Variants in KCND2 observed in about 807,000 individuals in gnomAD.
KCND2 encodes A-type voltage-gated potassium channel KCND2.
Under a neutral mutation model 54.4 loss-of-function variants are expected in KCND2, and 16 were observed. The ratio of observed to expected loss-of-function variants is 0.29; its 90% CI spans 0.20 to 0.45. The LOEUF is 0.45. KCND2 is among the 20% of genes least tolerant of loss of function. The pLI is 1.00. For missense variants in KCND2, 486 were observed against 824.2 expected (o/e 0.59, Z 5.02); for synonymous variants, 317 against 310.7 (o/e 1.02, Z -0.21).
At chr7:120,601,325 A>C (rs922649054) in intron 1 of KCND2, among the ~76,000 whole-genome samples, 14 of 152,178 alleles carry the variant, frequency 9.2e-5, no homozygotes, top group African/African-American at 3.4e-4. Context: ...ACTCTTAAAA[A>C]ACTGGGAAGG....
At chr7:120,725,277 T>G (rs1325038061) in intron 1 of KCND2, among the ~76,000 whole-genome samples, 1 of 152,208 alleles carries the variant, frequency 6.6e-6, no homozygotes. Context: ...CATGTAATTT[T>G]CACACTAAGG....
chr7:120,330,489 G>A (rs1441737832), intron 1 of KCND2, among the ~76,000 whole-genome samples: 1 of 142,978 alleles, frequency 7.0e-6, no homozygotes, highest in African/African-American at 2.6e-5. Flanking sequence ...GCTGAGGTAG[G>A]AGAATCGCTT....
chr7:120,503,572 C>A (rs1447154272), intron 1 of KCND2, among the ~76,000 whole-genome samples: 3 of 151,980 alleles, frequency 2.0e-5, no homozygotes, highest in African/African-American at 4.8e-5. Flanking sequence ...TCCACCACTT[C>A]TCTTTCCTTG....
chr7:120,564,056 C>G (rs1792267727), intron 1 of KCND2, among the ~76,000 whole-genome samples: 1 of 152,050 alleles, frequency 6.6e-6, no homozygotes. Flanking sequence ...AAACTCATTT[C>G]TATATATAAT....
At chr7:120,476,624 ATGTGCC>A (rs1802537005) in intron 1 of KCND2, among the ~76,000 whole-genome samples, 1 of 150,968 alleles carries the variant, frequency 6.6e-6, no homozygotes, top group South Asian at 2.1e-4. Context: ...TATATGATGT[ATGTGCC>A]TGTGTGTGGG....
At chr7:120,590,840 T>G (rs941130721) in intron 1 of KCND2, among the ~76,000 whole-genome samples, 1 of 152,222 alleles carries the variant, frequency 6.6e-6, no homozygotes, top group African/African-American at 2.4e-5. Flanking sequence ...GTATTCATTA[T>G]GTAGATCCTT....
intron 1 of KCND2, among the ~76,000 whole-genome samples, chr7:120,332,655 A>G (rs1563012219): frequency 6.6e-6 from 1 of 152,088 alleles, no homozygotes; most frequent in African/African-American, 2.4e-5. Flanking sequence ...GGAGGCTTTC[A>G]TAAAACTTTG....
intron 1 of KCND2, among the ~76,000 whole-genome samples, chr7:120,283,435 T>TA (rs1300857844): frequency 1.3e-5 from 2 of 152,172 alleles, no homozygotes; most frequent in African/African-American, 4.8e-5. Context: ...ATGGTCAAAT[T>TA]AAAATTATTT....
rs189808693 is a variant in KCND2 at position 120,646,441 on chromosome 7, T to C, written c.1116-86462T>C. On this transcript the variant is annotated intron_variant, in intron 1 of 5. Transcript: ENST00000331113. Reference sequence around the variant, plus strand: ...CTGTTAGTGATTTTATTGATTATCATTTATTTAAAATTAGATATTTGTCTT... The same window carrying C: ...CTGTTAGTGATTTTATTGATTATCACTTATTTAAAATTAGATATTTGTCTT... Among the ~76,000 whole-genome samples, 19 of 152,354 alleles carry C rather than the reference T, an allele frequency of 1.2e-4. No individual in the cohort carries two copies. In the East Asian group the frequency reaches 2.3e-3, roughly 19 times the overall value.
chr7:120,640,672 T>TAAAAAAAAAAAAAA, intron 1 of KCND2, among the ~76,000 whole-genome samples: 1 of 152,208 alleles, frequency 6.6e-6, no homozygotes, highest in African/African-American at 2.4e-5. Flanking sequence ...TTTCTTACTT[T>TAAAAAAAAAAAAAA]AAAAGGAATA....
intron 1 of KCND2, among the ~76,000 whole-genome samples, chr7:120,607,464 A>T (rs1346119412): frequency 2.0e-5 from 3 of 152,150 alleles, no homozygotes; most frequent in Non-Finnish European, 4.4e-5. Flanking sequence ...GGTACTACCC[A>T]CTATCTCATA....
intron 1 of KCND2, among the ~76,000 whole-genome samples, chr7:120,585,409 A>C (rs1032204148): frequency 6.6e-6 from 1 of 152,182 alleles, no homozygotes; most frequent in South Asian, 2.1e-4. Flanking sequence ...TTCTTTAAGC[A>C]GATGAGAAAA....
chr7:120,558,365 C>G (rs1433116503), intron 1 of KCND2, among the ~76,000 whole-genome samples: 1 of 152,158 alleles, frequency 6.6e-6, no homozygotes, highest in Non-Finnish European at 1.5e-5. Context: ...ACTACCATCA[C>G]ACCCTTAAAT....
intron 1 of KCND2, among the ~76,000 whole-genome samples, chr7:120,637,265 G>T (rs1793316853): frequency 6.6e-6 from 1 of 151,970 alleles, no homozygotes. Flanking sequence ...ATAAGAAACT[G>T]GTGAGAACAA....
intron 1 of KCND2, among the ~76,000 whole-genome samples, chr7:120,324,113 G>A (rs1489337323): frequency 1.3e-5 from 2 of 151,390 alleles, no homozygotes; most frequent in African/African-American, 4.9e-5. Flanking sequence ...AGAAGTGTCT[G>A]TTCATGTCCT....
chr7:120,505,011 T>A (rs1450679274), intron 1 of KCND2, among the ~76,000 whole-genome samples: 1 of 151,780 alleles, frequency 6.6e-6, no homozygotes, highest in Non-Finnish European at 1.5e-5. Flanking sequence ...GCCCAAACTC[T>A]GGTTAATATT....
intron 1 of KCND2, among the ~76,000 whole-genome samples, chr7:120,489,978 A>G (rs778700822): frequency 3.9e-5 from 6 of 152,130 alleles, no homozygotes; most frequent in Non-Finnish European, 7.4e-5. Context: ...GAATGGGGCA[A>G]GTCATCGTTG....
At chr7:120,523,314 C>A (rs1041115031) in intron 1 of KCND2, among the ~76,000 whole-genome samples, 1 of 151,532 alleles carries the variant, frequency 6.6e-6, no homozygotes, top group African/African-American at 2.4e-5. Flanking sequence ...AAATTCTGCA[C>A]GTGTTTTTAA....
chr7:120,624,178 C>T (rs1012277064), intron 1 of KCND2, among the ~76,000 whole-genome samples: 1 of 152,150 alleles, frequency 6.6e-6, no homozygotes, highest in Non-Finnish European at 1.5e-5. Context: ...TTAAATTTAA[C>T]ACCAGTGTAA....
Sources: gnomAD v4.1 joint callset for allele counts (sites outside exome capture counted in the v4.1 genomes callset) on GRCh38, gnomAD v4.1.1 for gene constraint, MANE v1.5 for transcripts, NCBI Gene and HGNC (gene_info 2026-07-23, HGNC 2026-07-21) for gene names.